ZNF585B: variants seen among roughly 807,000 people sequenced by gnomAD.
ZNF585B encodes the protein zinc finger protein 41-like protein.
Under a neutral mutation model 14.0 loss-of-function variants are expected in ZNF585B, and 7 were observed. That is an observed-to-expected ratio of 0.50 (90% confidence interval 0.28 to 0.94). The LOEUF (loss-of-function observed/expected upper bound fraction) is 0.94. Among genes scored for constraint, ZNF585B ranks in the 40% least tolerant of loss-of-function variants. ZNF585B has a pLI of 0.09. For synonymous variants in ZNF585B, 290 were observed against 317.3 expected (o/e 0.91, Z 0.91); for missense variants, 750 against 924.4 (o/e 0.81, Z 2.45).
At chr19:37,208,411 T>C (rs1972609951) in intron 1 of ZNF585B, among the ~76,000 whole-genome samples, 1 of 152,170 alleles carries the variant, frequency 6.6e-6, no homozygotes, top group Non-Finnish European at 1.5e-5. Context: ...AGGATCTTAT[T>C]ACACATGACA....
At chr19:37,201,954 A>C (rs1206769676) in intron 2 of ZNF585B, among the ~76,000 whole-genome samples, 2 of 152,138 alleles carry the variant, frequency 1.3e-5, no homozygotes, top group Non-Finnish European at 2.9e-5. Flanking sequence ...GGGCTGCTGA[A>C]TGAGAAAACA....
chr19:37,195,345 CAAAAAAAAAAAAA>C (rs71177429), intron 2 of ZNF585B, among the ~76,000 whole-genome samples: 3 of 14,282 alleles, frequency 2.1e-4, no homozygotes, highest in South Asian at 4.3e-3. Context: ...GACTCTGACT[CAAAAAAAAAAAAA>C]AAAAAAAAAA....
chr19:37,189,963 A>C, intron 3 of ZNF585B, 61 bp downstream of exon 3: 1 of 1,600,390 alleles, frequency 6.2e-7, no homozygotes, highest in Non-Finnish European at 8.5e-7. Context: ...GCATTCGTCA[A>C]CTGAGAATGA....
At chr19:37,197,900 A>T (rs958360755) in intron 2 of ZNF585B, among the ~76,000 whole-genome samples, 1 of 152,176 alleles carries the variant, frequency 6.6e-6, no homozygotes, top group African/African-American at 2.4e-5. Context: ...AAATGGCACT[A>T]ATTATTAGGG....
chr19:37,200,002 C>T (rs1049032994), intron 2 of ZNF585B, among the ~76,000 whole-genome samples: 1 of 151,476 alleles, frequency 6.6e-6, no homozygotes, highest in African/African-American at 2.4e-5. Context: ...GAGATGGCGC[C>T]ACTGCACTCC....
At chr19:37,209,266 A>G (rs898363715) in intron 1 of ZNF585B, among the ~76,000 whole-genome samples, 1 of 151,892 alleles carries the variant, frequency 6.6e-6, no homozygotes, top group Middle Eastern at 3.4e-3. Flanking sequence ...CACCACACCC[A>G]GCTAATTTTT....
At chr19:37,195,473 T>C (rs1160734006) in intron 2 of ZNF585B, among the ~76,000 whole-genome samples, 2 of 151,650 alleles carry the variant, frequency 1.3e-5, no homozygotes, top group Non-Finnish European at 2.9e-5. Context: ...ATTGGCCTGT[T>C]AGTCAACTAG....
chr19:37,193,625 A>G (rs1972428762), intron 2 of ZNF585B, among the ~76,000 whole-genome samples: 1 of 151,926 alleles, frequency 6.6e-6, no homozygotes, highest in South Asian at 2.1e-4. Flanking sequence ...AAAAATACCA[A>G]AAAAATTAGC....
chr19:37,186,124 A>G lies in ZNF585B; in HGVS notation c.1413T>C (p.Cys471=), dbSNP rs200151310. Residue 471 remains cysteine, a synonymous_variant, in exon 5 of 5, where the codon TGT becomes TGC. Coordinates refer to ENST00000532828, the MANE Select transcript of ZNF585B (RefSeq NM_152279.4). ...TTGACCGGTTGGTGAATGCCTTCCCACATTTATTGCATACATAGGGCTTTT... is the reference window on the plus strand; with the variant it reads ...TTGACCGGTTGGTGAATGCCTTCCCGCATTTATTGCATACATAGGGCTTTT... ...TGEKPYVCNK[C]GKAFTNRSNL... 1 of 1,614,142 alleles carries G rather than the reference A, an allele frequency of 6.2e-7. No individual in the cohort carries two copies. The highest frequency in any genetic ancestry group is 8.5e-7 in the Non-Finnish European group (1 of 1,180,034).
intron 2 of ZNF585B, among the ~76,000 whole-genome samples, chr19:37,206,078 CAATAAATA>C (rs112298591): frequency 4.7e-5 from 7 of 148,770 alleles, no homozygotes; most frequent in South Asian, 2.1e-4. Context: ...AAAACTCCAT[CAATAAATA>C]AATAAATAAA....
chr19:37,203,297 C>G (rs1458195378), intron 2 of ZNF585B, among the ~76,000 whole-genome samples: 1 of 151,868 alleles, frequency 6.6e-6, no homozygotes, highest in African/African-American at 2.4e-5. Flanking sequence ...TACAGTTTAG[C>G]TTTACCACAC....
intron 1 of ZNF585B, among the ~76,000 whole-genome samples, chr19:37,207,920 G>T (rs941413645): frequency 6.6e-6 from 1 of 152,086 alleles, no homozygotes; most frequent in Middle Eastern, 3.4e-3. Flanking sequence ...TCCCCAATTG[G>T]TGCATGCAAT....
chr19:37,188,334 A>G (rs1055213252), intron 4 of ZNF585B, among the ~76,000 whole-genome samples: 6 of 152,066 alleles, frequency 3.9e-5, no homozygotes, highest in Non-Finnish European at 8.8e-5. Flanking sequence ...TAAAAATACA[A>G]TGTTAGCTGG....
rs35187925 is a variant in ZNF585B, at chr19:37,208,593, C to CAA, written c.-143-1341_-143-1340dup. Among the ~76,000 whole-genome samples the CAA allele has an allele frequency of 5.1e-4, 73 of 143,268 alleles. No homozygotes were observed. The East Asian group carries it at 6.2e-3, about 12-fold the overall frequency. 94.0% of individuals were successfully genotyped at this position (143,268 alleles called of 152,430 possible). The stretch of plus-strand genomic sequence containing the variant: ...TAAGCAATCACTAAGCAAAAAAGGC[C>CAA]AAAAAAAAAAATAAAAGAAACTGGA... On this transcript the variant is annotated intron_variant, in intron 1 of 4. Coordinates refer to ENST00000532828, the MANE Select transcript of ZNF585B (RefSeq NM_152279.4).
At chr19:37,200,191 T>C (rs1217630077) in intron 2 of ZNF585B, among the ~76,000 whole-genome samples, 1 of 151,938 alleles carries the variant, frequency 6.6e-6, no homozygotes, top group Non-Finnish European at 1.5e-5. Context: ...CTCAGTAAAG[T>C]TTTTTTGTTT....
At chr19:37,188,625 C>T (rs922982206) in intron 4 of ZNF585B, among the ~76,000 whole-genome samples, 1 of 152,196 alleles carries the variant, frequency 6.6e-6, no homozygotes, top group Admixed American at 6.5e-5. Flanking sequence ...GCCAAGATTG[C>T]GCCACTATAC....
intron 2 of ZNF585B, among the ~76,000 whole-genome samples, chr19:37,203,411 C>T (rs1335554429): frequency 7.2e-6 from 1 of 139,754 alleles, no homozygotes; most frequent in African/African-American, 2.7e-5. Context: ...ACCCAGGAGG[C>T]AGAGGTTGCA....
At chr19:37,193,709 G>A (rs1383468546) in intron 2 of ZNF585B, among the ~76,000 whole-genome samples, 1 of 152,122 alleles carries the variant, frequency 6.6e-6, no homozygotes, top group Non-Finnish European at 1.5e-5. Context: ...GAGCCCGGGA[G>A]GTCGAAGCTC....
chr19:37,192,469 C>T (rs953809782), intron 2 of ZNF585B, among the ~76,000 whole-genome samples: 7 of 151,170 alleles, frequency 4.6e-5, no homozygotes, highest in Admixed American at 3.3e-4. Flanking sequence ...ATTGCATCAC[C>T]GCACTCCAAC....
Sources: allele counts gnomAD v4.1 joint callset (sites outside exome capture counted in the v4.1 genomes callset), GRCh38; gene constraint gnomAD v4.1.1; transcripts MANE v1.5; gene names NCBI Gene and HGNC (gene_info 2026-07-23, HGNC 2026-07-21).